The following HMX1 variants were observed in gnomAD, a reference collection of about 807,000 sequenced individuals.
HMX1 encodes the protein H6 family homeobox 1.
A neutral mutation model predicts 8.9 loss-of-function variants in HMX1; 8 were observed. That is an observed-to-expected ratio of 0.90 (90% confidence interval 0.53 to 1.63). The LOEUF is 1.63. Ranked by LOEUF, HMX1 falls within the 40% of genes most tolerant of loss-of-function variation. The pLI is 0.00. For synonymous variants in HMX1, 311 were observed against 283.4 expected, an observed-to-expected ratio of 1.10 and a Z score of -0.98; for missense variants, 621 against 558.5, an observed-to-expected ratio of 1.11 and a Z score of -1.13.
chr4:8,857,947 CGCTCGGGGAGAGGAG>C (rs571711961), intron 1 of HMX1, among the ~76,000 whole-genome samples: 1 of 152,190 alleles, frequency 6.6e-6, no homozygotes, highest in Admixed American at 6.5e-5. Context: ...GGGCTTCGGG[CGCTCGGGGAGAGGAG>C]GCGGAGGAGG....
rs1224913460 is a variant in HMX1 at position 8,846,233 on chromosome 4, C to T, written c.486G>A (p.Gly162=). Residue 162 remains glycine, a synonymous_variant, in exon 2 of 2, where the codon GGG becomes GGA. Transcript: ENST00000506970. ...CGGCCTCCTCCGCCATCCAGAGGCT[C>T]CCACTGTCACTTCTGTTCACTTTGT... 2.5e-5 allele frequency: 39 copies of T among 1,532,024 alleles called. No homozygotes were observed. In the Admixed American group the frequency reaches 7.7e-4, roughly 30 times the overall value. The allele number at this position is 1,532,024 out of a possible 1,614,324, so 94.9% of individuals were successfully genotyped here.
At chr4:8,866,220 C>T (rs1250855247), downstream of HMX1, among the ~76,000 whole-genome samples, 1 of 152,218 alleles carries the variant, frequency 6.6e-6, no homozygotes, top group East Asian at 1.9e-4. Context: ...CCACTGCACG[C>T]TCTCCTTGGC....
intron 1 of HMX1, among the ~76,000 whole-genome samples, chr4:8,859,956 G>T (rs909249571): frequency 6.6e-6 from 1 of 152,264 alleles, no homozygotes; most frequent in African/African-American, 2.4e-5. Flanking sequence ...ATGTTGTTGG[G>T]AGCAAGGAGG....
chr4:8,858,596 T>C (rs564649739), intron 1 of HMX1: 2,439 of 152,252 alleles, frequency 0.016, 35 homozygotes, highest in Non-Finnish European at 0.026. Flanking sequence ...CCGGACGTCA[T>C]GGGGGGAGTG....
At chr4:8,851,880 C>T (rs1289051045) in intron 1 of HMX1, among the ~76,000 whole-genome samples, 3 of 152,270 alleles carry the variant, frequency 2.0e-5, no homozygotes, top group Admixed American at 6.5e-5. Flanking sequence ...CACTTTCCTC[C>T]GCTCATGCCC....
rs1721511674 is a variant in HMX1 at position 8,853,342 on chromosome 4, C to G, written c.395-7018G>C. The stretch of plus-strand genomic sequence containing the variant: ...CTAAATTGTCCTCACCTGACCATCA[C>G]AGCCCCATTCCAGGCAGCCAAGAAG... On this transcript the variant is annotated intron_variant, in intron 1 of 1. Coordinates refer to the HMX1 transcript ENST00000506970. The surrounding 1 kb of genome is among the most constrained non-coding windows in gnomAD (Gnocchi z 4.7). Among the ~76,000 whole-genome samples, 1 of 152,168 alleles carries G rather than the reference C, an allele frequency of 6.6e-6. No individual in the cohort carries two copies. The highest frequency in any genetic ancestry group is 6.5e-5 in the Admixed American group (1 of 15,282).
rs1721324544 is a variant in HMX1, at chr4:8,847,888, G to T, written c.395-1564C>A. Among the ~76,000 whole-genome samples, 1 of 152,206 alleles carries T rather than the reference G, an allele frequency of 6.6e-6. No individual in the cohort carries two copies. Among genetic ancestry groups the T allele is most frequent in the Non-Finnish European group, 1.5e-5 (1 of 68,036 alleles). The stretch of plus-strand genomic sequence containing the variant: ...GCTCTGGAGAGGACCTGAGCTGAGA[G>T]CCAGTGGATTAAGTTGAACTGGAAT... On this transcript the variant is annotated intron_variant, in intron 1 of 1. Transcript: ENST00000506970. This position sits in a 1 kb window ranked among gnomAD's most constrained non-coding sequence, Gnocchi z 6.0.
chr4:8,869,976 C>A (rs1722156353), intron 1 of HMX1, among the ~76,000 whole-genome samples: 1 of 152,170 alleles, frequency 6.6e-6, no homozygotes, highest in East Asian at 1.9e-4. Flanking sequence ...CCACGGAAGC[C>A]CTGCTCAAGT....
Position 8,868,779 on chromosome 4 carries a change from C to T in HMX1, c.395-434G>A, listed in dbSNP as rs775861425. ...CGGGACAAGAGGAAAGATGTCCTTC[C>T]GAGAAATGTTCACACCGAAAAACAA... On this transcript the variant is annotated intron_variant, in intron 1 of 1. Coordinates refer to ENST00000400677, the MANE Select transcript of HMX1 (RefSeq NM_018942.3). The surrounding 1 kb of genome is among the most constrained non-coding windows in gnomAD (Gnocchi z 4.6). Among the ~76,000 whole-genome samples, 2 of 152,132 alleles carry T rather than the reference C, an allele frequency of 1.3e-5. No individual in the cohort carries two copies. The highest frequency in any genetic ancestry group is 2.1e-4 in the South Asian group (1 of 4,816).
chr4:8,852,316 C>G lies in HMX1; in HGVS notation c.395-5992G>C, dbSNP rs192336271. On this transcript the variant is annotated intron_variant, in intron 1 of 1. Coordinates refer to the HMX1 transcript ENST00000506970. ...TGGAGCCGCCTGAAACCCAGGCCCT[C>G]ACGCCCTGCATCTGCTCCACTGCAC... 1.1e-3 allele frequency among the ~76,000 whole-genome samples: 166 copies of G among 152,386 alleles called. 1 individual carries two copies. Among genetic ancestry groups the G allele is most frequent in the African/African-American group, 3.6e-3 (150 of 41,588 alleles).
downstream of HMX1, among the ~76,000 whole-genome samples, chr4:8,866,754 C>T (rs529724104): frequency 1.6e-4 from 25 of 152,370 alleles, no homozygotes; most frequent in African/African-American, 5.8e-4. Context: ...ATCAGTGGGC[C>T]TCTGCCTTCA....
At position 8,871,767 on chromosome 4, in the gene HMX1, C is replaced by G. The variant is rs1722235398; in HGVS notation, c.-153G>C. The stretch of plus-strand genomic sequence containing the variant: ...GCAGGGCAGGCGGCGGCCTCCGCGC[C>G]GGGCTGGGCTGGGCCGGGCCGGGAG... On this transcript the variant is annotated 5_prime_UTR_variant, in exon 1 of 2. Transcript: ENST00000400677. This position sits in a 1 kb window ranked among gnomAD's most constrained non-coding sequence, Gnocchi z 4.8. 2 of 956,686 alleles carry G rather than the reference C, an allele frequency of 2.1e-6. No homozygotes were observed. The highest frequency in any genetic ancestry group is 5.2e-4 in the Middle Eastern group (1 of 1,938). The allele number at this position is 956,686 out of a possible 1,614,324, so 59.3% of individuals were successfully genotyped here.
intron 1 of HMX1, among the ~76,000 whole-genome samples, chr4:8,855,673 G>C (rs1363837723): frequency 6.6e-6 from 1 of 152,202 alleles, no homozygotes; most frequent in Non-Finnish European, 1.5e-5. Context: ...AGGACCCTTG[G>C]AGACTCCCAG....
chr4:8,863,613 C>T (rs936969300), downstream of HMX1, among the ~76,000 whole-genome samples: 1 of 151,622 alleles, frequency 6.6e-6, no homozygotes, highest in Non-Finnish European at 1.5e-5. Context: ...AGTGCAAAGG[C>T]CAAGCTGGGT....
At chr4:8,856,364 G>T (rs1213854734) in intron 1 of HMX1, among the ~76,000 whole-genome samples, 3 of 152,190 alleles carry the variant, frequency 2.0e-5, no homozygotes, top group Non-Finnish European at 4.4e-5. Flanking sequence ...TCCGGTGGGG[G>T]TGGGATGAGG....
intron 1 of HMX1, among the ~76,000 whole-genome samples, chr4:8,859,797 CA>C (rs1381118882): frequency 6.6e-6 from 1 of 152,222 alleles, no homozygotes; most frequent in Non-Finnish European, 1.5e-5. Flanking sequence ...ACAAGGCGGG[CA>C]AAGGGCTGAT....
downstream of HMX1, among the ~76,000 whole-genome samples, chr4:8,865,811 G>A (rs1039872632): frequency 2.0e-5 from 3 of 152,206 alleles, no homozygotes; most frequent in African/African-American, 7.2e-5. Context: ...GAAACCGAGT[G>A]AGAACGGACT....
rs897981508 is a variant in HMX1 at position 8,867,386 on chromosome 4, G to C, written c.*307C>G. The C allele has an allele frequency of 4.8e-6, 5 of 1,051,708 alleles. No individual in the cohort carries two copies. Among genetic ancestry groups the C allele is most frequent in the Non-Finnish European group, 5.7e-6 (5 of 874,572 alleles). The allele number at this position is 1,051,708 out of a possible 1,614,324, so 65.1% of individuals were successfully genotyped here. Reference sequence around the variant, plus strand: ...GCAGCTGCCCCGGGTGGCCATGGCCGACCGCTCCTCGCTGAGGCCGGGGGG... The same window carrying C: ...GCAGCTGCCCCGGGTGGCCATGGCCCACCGCTCCTCGCTGAGGCCGGGGGG... On this transcript the variant is annotated 3_prime_UTR_variant, in exon 2 of 2. Coordinates refer to ENST00000400677, the MANE Select transcript of HMX1 (RefSeq NM_018942.3).
rs953780488 is a variant in HMX1 at position 8,853,193 on chromosome 4, TTTTG to T, written c.395-6873_395-6870del. Reference sequence around the variant, plus strand: ...ATGGTAGCTTACACAAGACAGAAAGTTTTGTTTGTTTCTCACAAACAAATAAATG... The same window carrying T: ...ATGGTAGCTTACACAAGACAGAAAGTTTTGTTTCTCACAAACAAATAAATG... On this transcript the variant is annotated intron_variant, in intron 1 of 1. Coordinates refer to the HMX1 transcript ENST00000506970. The surrounding 1 kb of genome is among the most constrained non-coding windows in gnomAD (Gnocchi z 4.7). 1.3e-5 allele frequency among the ~76,000 whole-genome samples: 2 copies of T among 152,174 alleles called. No individual in the cohort carries two copies. The highest frequency in any genetic ancestry group is 4.8e-5 in the African/African-American group (2 of 41,450).
Sources: allele counts gnomAD v4.1 joint callset (sites outside exome capture counted in the v4.1 genomes callset), GRCh38; gene constraint gnomAD v4.1.1; non-coding constraint Gnocchi (gnomAD v3.1); transcripts MANE v1.5; gene names NCBI Gene and HGNC (gene_info 2026-07-23, HGNC 2026-07-21).